CHST9: variants seen among roughly 807,000 people sequenced by gnomAD.
CHST9 encodes carbohydrate sulfotransferase 9, also known as GalNAc-4-sulfotransferase 2.
A neutral mutation model predicts 44.4 loss-of-function variants in CHST9; 41 were observed. The observed-to-expected ratio is 0.92, with a 90% CI of 0.72 to 1.20. CHST9 has a LOEUF of 1.20. Ranked by LOEUF, CHST9 falls within the 50% of genes most tolerant of loss-of-function variation. The pLI, the probability that CHST9 is intolerant of heterozygous loss-of-function variation, is 0.00. For missense variants in CHST9, 504 were observed against 516.5 expected, an observed-to-expected ratio of 0.98 and a Z score of 0.23; for synonymous variants, 171 against 178.4, an observed-to-expected ratio of 0.96 and a Z score of 0.33.
chr18:26,937,058 A>G (rs1375191905), intron 5 of CHST9, among the ~76,000 whole-genome samples: 3 of 152,176 alleles, frequency 2.0e-5, no homozygotes, highest in Non-Finnish European at 4.4e-5. Flanking sequence ...ATAGTGAGTG[A>G]AAATGAAGGT....
chr18:27,117,678 T>G (rs1367766619), intron 2 of CHST9, among the ~76,000 whole-genome samples: 1 of 152,190 alleles, frequency 6.6e-6, no homozygotes, highest in Admixed American at 6.5e-5. Flanking sequence ...TTTCATTTAC[T>G]AATATGCATT....
At chr18:27,019,954 G>T (rs940517178) in intron 4 of CHST9, among the ~76,000 whole-genome samples, 11 of 152,126 alleles carry the variant, frequency 7.2e-5, no homozygotes, top group African/African-American at 2.4e-4. Context: ...GTGTAATTAG[G>T]GTCAAAGAAA....
At chr18:27,117,892 T>A (rs934481964) in intron 2 of CHST9, among the ~76,000 whole-genome samples, 2 of 152,200 alleles carry the variant, frequency 1.3e-5, no homozygotes, top group African/African-American at 4.8e-5. Context: ...AAGTTTTCAG[T>A]TCATTTGGAT....
At chr18:26,985,954 C>A (rs149683482) in intron 4 of CHST9, among the ~76,000 whole-genome samples, 11 of 152,168 alleles carry the variant, frequency 7.2e-5, no homozygotes, top group African/African-American at 2.2e-4. Flanking sequence ...AAACAAGAAC[C>A]AAAGTGATCA....
chr18:27,011,382 G>A (rs1007244761), intron 4 of CHST9, among the ~76,000 whole-genome samples: 3 of 152,116 alleles, frequency 2.0e-5, no homozygotes, highest in African/African-American at 7.2e-5. Context: ...CTGAGTGCAG[G>A]GCCGTGAGCG....
intron 2 of CHST9, among the ~76,000 whole-genome samples, chr18:27,099,905 T>A (rs2058154039): frequency 6.6e-6 from 1 of 151,836 alleles, no homozygotes; most frequent in African/African-American, 2.4e-5. Context: ...CAAATCCTAC[T>A]AAAAAGATAC....
chr18:27,162,027 A>C (rs2058751472), intron 1 of CHST9, among the ~76,000 whole-genome samples: 1 of 151,980 alleles, frequency 6.6e-6, no homozygotes, highest in Non-Finnish European at 1.5e-5. Context: ...GGGTTTCCTG[A>C]ATACAGCACA....
chr18:26,977,828 G>T (rs2056642133), intron 4 of CHST9, among the ~76,000 whole-genome samples: 1 of 152,118 alleles, frequency 6.6e-6, no homozygotes, highest in Non-Finnish European at 1.5e-5. Flanking sequence ...ACATTTATAT[G>T]CAGGGTGTCC....
At chr18:27,042,637 T>C (rs936203542) in intron 3 of CHST9, among the ~76,000 whole-genome samples, 8 of 152,058 alleles carry the variant, frequency 5.3e-5, no homozygotes, top group African/African-American at 1.2e-4. Context: ...ATTTTTAAAA[T>C]GTTGACCATA....
At chr18:26,960,310 G>A (rs866424859) in intron 4 of CHST9, among the ~76,000 whole-genome samples, 6 of 152,084 alleles carry the variant, frequency 3.9e-5, no homozygotes, top group Non-Finnish European at 7.4e-5. Flanking sequence ...ATAATTTGAT[G>A]TTTCAAATTA....
At chr18:27,047,614 T>C (rs2057519594) in intron 3 of CHST9, among the ~76,000 whole-genome samples, 1 of 151,886 alleles carries the variant, frequency 6.6e-6, no homozygotes, top group African/African-American at 2.4e-5. Flanking sequence ...CTATGCTGAC[T>C]CTTTGGAAAC....
At chr18:27,047,668 A>C (rs1453400764) in intron 3 of CHST9, among the ~76,000 whole-genome samples, 3 of 152,072 alleles carry the variant, frequency 2.0e-5, no homozygotes, top group Non-Finnish European at 4.4e-5. Context: ...AGCTAAAAGA[A>C]GCTAGTGGAT....
At chr18:27,063,362 A>G (rs1036323931) in intron 2 of CHST9, among the ~76,000 whole-genome samples, 1 of 152,220 alleles carries the variant, frequency 6.6e-6, no homozygotes, top group African/African-American at 2.4e-5. Flanking sequence ...TACAGTCTCC[A>G]GTTTCCTATC....
intron 1 of CHST9, among the ~76,000 whole-genome samples, chr18:27,180,960 A>G (rs1299832671): frequency 1.3e-5 from 2 of 152,040 alleles, no homozygotes; most frequent in Non-Finnish European, 2.9e-5. Flanking sequence ...CTTACAAAAA[A>G]TGAAAATGTT....
chr18:27,002,211 G>A (rs1329704517), intron 4 of CHST9, among the ~76,000 whole-genome samples: 1 of 151,204 alleles, frequency 6.6e-6, no homozygotes, highest in African/African-American at 2.5e-5. Context: ...CCTACCTGGA[G>A]GCCTGCACCA....
At chr18:26,947,622 T>C (rs1328003357) in intron 4 of CHST9, among the ~76,000 whole-genome samples, 1 of 152,200 alleles carries the variant, frequency 6.6e-6, no homozygotes, top group African/African-American at 2.4e-5. Flanking sequence ...TGAAGACATT[T>C]ATGCAGCCAA....
In CHST9 at chr18:26,907,919, CT is replaced by C. The variant is rs1202492847; in HGVS notation, c.*8339del. On this transcript the variant is annotated 3_prime_UTR_variant, in exon 6 of 6. Coordinates refer to ENST00000618847, the MANE Select transcript of CHST9 (RefSeq NM_031422.6). ...TACGCCAGTCACAAAAAGACACATG[CT>C]GTATGATTCCATTTATATGAGGTAT... 6.0e-6 allele frequency: 1 copy of C among 167,798 alleles called. No individual in the cohort carries two copies. Among genetic ancestry groups the C allele is most frequent in the Non-Finnish European group, 1.3e-5 (1 of 78,782 alleles). The allele number at this position is 167,798 out of a possible 1,614,324, so 10.4% of individuals were successfully genotyped here.
intron 1 of CHST9, among the ~76,000 whole-genome samples, chr18:27,162,147 A>C (rs867446670): frequency 3.0e-4 from 45 of 152,200 alleles, no homozygotes; most frequent in South Asian, 1.9e-3. Context: ...TTGATCCTGT[A>C]ATTATGATGT....
chr18:27,011,750 C>G (rs112944977), intron 4 of CHST9, among the ~76,000 whole-genome samples: 8 of 152,330 alleles, frequency 5.3e-5, no homozygotes, highest in African/African-American at 1.7e-4. Flanking sequence ...CTGGAATATA[C>G]CAGTGAGTGA....
Sources: allele counts gnomAD v4.1 joint callset (sites outside exome capture counted in the v4.1 genomes callset), GRCh38; gene constraint gnomAD v4.1.1; transcripts MANE v1.5; gene names NCBI Gene and HGNC (gene_info 2026-07-23, HGNC 2026-07-21).